Variants in PAK5 observed in about 807,000 individuals in gnomAD.
The protein encoded by PAK5 is serine/threonine-protein kinase PAK 5.
In PAK5, 16 loss-of-function variants were observed where a neutral mutation model predicts 65.9. That is an observed-to-expected ratio of 0.24 (90% CI 0.16 to 0.37). The LOEUF (loss-of-function observed/expected upper bound fraction) is 0.37, where lower values mean the gene tolerates loss of function less well. PAK5 is among the 10% of genes least tolerant of loss of function. The pLI, the probability that PAK5 is intolerant of heterozygous loss-of-function variation, is 1.00. For synonymous variants in PAK5, 371 were observed against 354.9 expected, an observed-to-expected ratio of 1.05 and a Z score of -0.51; for missense variants, 785 against 903.9, an observed-to-expected ratio of 0.87 and a Z score of 1.69.
chr20:9,833,874 G>A (rs950004166), intron 1 of PAK5, among the ~76,000 whole-genome samples: 3 of 152,002 alleles, frequency 2.0e-5, no homozygotes, highest in Non-Finnish European at 2.9e-5. Context: ...TATTATTCAC[G>A]AGTATTTTAT....
At chr20:9,642,326 T>C (rs1419886532) in intron 3 of PAK5, among the ~76,000 whole-genome samples, 2 of 152,224 alleles carry the variant, frequency 1.3e-5, no homozygotes, top group African/African-American at 2.4e-5. Context: ...TGTTGTTTCC[T>C]GACTTTTTAA....
intron 9 of PAK5, among the ~76,000 whole-genome samples, chr20:9,541,954 G>C (rs1051495814): frequency 6.6e-6 from 1 of 152,144 alleles, no homozygotes; most frequent in African/African-American, 2.4e-5. Context: ...ATGATTGTAA[G>C]TATCCTGAGG....
intron 2 of PAK5, among the ~76,000 whole-genome samples, chr20:9,697,815 A>G (rs888084005): frequency 2.0e-5 from 3 of 152,146 alleles, no homozygotes; most frequent in South Asian, 2.1e-4. Flanking sequence ...TTAGTTGACT[A>G]TTGTTAGGCT....
intron 4 of PAK5, among the ~76,000 whole-genome samples, chr20:9,568,545 C>T (rs985955686): frequency 6.6e-6 from 1 of 152,188 alleles, no homozygotes; most frequent in Non-Finnish European, 1.5e-5. Flanking sequence ...ATGTAGTCCC[C>T]TTCTACACTG....
chr20:9,605,442 G>C (rs2046435914), intron 3 of PAK5, among the ~76,000 whole-genome samples: 1 of 152,214 alleles, frequency 6.6e-6, no homozygotes, highest in Non-Finnish European at 1.5e-5. Flanking sequence ...TATCTGCTCT[G>C]TCACCTAACT....
chr20:9,580,133 A>C lies in PAK5; in HGVS notation c.990+12T>G. Reference sequence around the variant, plus strand: ...TTTGCACACGTGAGGGAAAGGAGGTAGCAAACGTTACCTTTGGAATGCACA... The same window carrying C: ...TTTGCACACGTGAGGGAAAGGAGGTCGCAAACGTTACCTTTGGAATGCACA... On this transcript the variant is annotated intron_variant, in intron 4 of 9. Coordinates refer to ENST00000353224, the MANE Select transcript of PAK5 (RefSeq NM_177990.4). The C allele has an allele frequency of 6.3e-7, 1 of 1,597,242 alleles. No homozygotes were observed. Among genetic ancestry groups the C allele is most frequent in the Non-Finnish European group, 8.5e-7 (1 of 1,169,804 alleles).
chr20:9,740,221 C>T (rs1345475933), intron 1 of PAK5, among the ~76,000 whole-genome samples: 1 of 152,100 alleles, frequency 6.6e-6, no homozygotes, highest in Non-Finnish European at 1.5e-5. Flanking sequence ...GAACAAGGTG[C>T]TCGCACAACC....
At chr20:9,673,431 G>C (rs1482016998) in intron 2 of PAK5, among the ~76,000 whole-genome samples, 4 of 152,168 alleles carry the variant, frequency 2.6e-5, no homozygotes, top group African/African-American at 7.2e-5. Context: ...TGGAGGTTTT[G>C]AGCACTGGAA....
rs191737060 is a variant in PAK5 at position 9,821,155 on chromosome 20, C to A, written c.-162+17607G>T. Among the ~76,000 whole-genome samples the A allele has an allele frequency of 1.7e-3, 256 of 152,138 alleles. 1 individual carries two copies. The highest frequency in any genetic ancestry group is 5.8e-3 in the African/African-American group (241 of 41,526). On this transcript the variant is annotated intron_variant, in intron 1 of 9. Coordinates refer to ENST00000353224, the MANE Select transcript of PAK5 (RefSeq NM_177990.4). ...CAGCATTTTGGGAGGCCGAGGCAGG[C>A]GGATCATCTGAGGTCAGGAGTTCGA...
At chr20:9,777,603 C>T (rs539177890) in intron 1 of PAK5, among the ~76,000 whole-genome samples, 6 of 152,188 alleles carry the variant, frequency 3.9e-5, no homozygotes, top group Non-Finnish European at 7.4e-5. Context: ...TAAGAAGAGA[C>T]TTATACAACT....
At chr20:9,718,397 C>A (rs150813262) in intron 1 of PAK5, among the ~76,000 whole-genome samples, 1 of 152,100 alleles carries the variant, frequency 6.6e-6, no homozygotes, top group Admixed American at 6.5e-5. Flanking sequence ...GTATTACTCA[C>A]CCTTTCATCC....
At chr20:9,625,145 T>G (rs1486914227) in intron 3 of PAK5, among the ~76,000 whole-genome samples, 3 of 152,044 alleles carry the variant, frequency 2.0e-5, no homozygotes, top group African/African-American at 7.2e-5. Context: ...TCCACCACCT[T>G]TAACCACCTC....
intron 1 of PAK5, among the ~76,000 whole-genome samples, chr20:9,761,457 C>T (rs188576580): frequency 4.6e-5 from 7 of 152,092 alleles, no homozygotes; most frequent in Admixed American, 4.6e-4. Context: ...TTCATTCTAC[C>T]CTGCACAATC....
chr20:9,544,627 G>A lies in PAK5; in HGVS notation c.1744-133C>T, dbSNP rs892904099. 7.4e-5 allele frequency: 57 copies of A among 766,326 alleles called. No individual in the cohort carries two copies. In the South Asian group the frequency reaches 9.8e-4, roughly 13 times the overall value. The allele number at this position is 766,326 out of a possible 1,614,324, so 47.5% of individuals were successfully genotyped here. ...ACAGGCCTTGGACATATCAGAGGAG[G>A]GACTGTCAGACCCTTTTATTGGAAA... On this transcript the variant is annotated intron_variant, in intron 7 of 9. Coordinates refer to ENST00000353224, the MANE Select transcript of PAK5 (RefSeq NM_177990.4).
intron 7 of PAK5, among the ~76,000 whole-genome samples, chr20:9,555,012 T>C (rs1053153759): frequency 6.6e-6 from 1 of 152,214 alleles, no homozygotes; most frequent in Non-Finnish European, 1.5e-5. Flanking sequence ...CATGCCTAAA[T>C]TAATCCTAGG....
At chr20:9,553,162 G>A (rs868288088) in intron 7 of PAK5, among the ~76,000 whole-genome samples, 27 of 152,120 alleles carry the variant, frequency 1.8e-4, no homozygotes, top group South Asian at 1.0e-3. Flanking sequence ...TTTATAGAAC[G>A]TATTCAAATT....
At position 9,591,972 on chromosome 20, in the gene PAK5, G is replaced by A. The variant is rs111881985; in HGVS notation, c.205-11042C>T. ...GTCAAATAACATTTTAAACTATAAA[G>A]TTGGTATTGTAACTATGCACTGTAA... On this transcript the variant is annotated intron_variant, in intron 3 of 9. Coordinates refer to ENST00000353224, the MANE Select transcript of PAK5 (RefSeq NM_177990.4). Among the ~76,000 whole-genome samples the A allele has an allele frequency of 3.1e-3, 468 of 152,260 alleles. 3 individuals carry two copies. Among genetic ancestry groups the A allele is most frequent in the African/African-American group, 0.01 (432 of 41,546 alleles).
At chr20:9,726,447 A>G (rs1460600285) in intron 1 of PAK5, among the ~76,000 whole-genome samples, 1 of 152,210 alleles carries the variant, frequency 6.6e-6, no homozygotes, top group African/African-American at 2.4e-5. Flanking sequence ...TGGCTTGCAC[A>G]CAGCGATTTA....
chr20:9,726,654 A>G (rs1184170402), intron 1 of PAK5, among the ~76,000 whole-genome samples: 1 of 152,154 alleles, frequency 6.6e-6, no homozygotes, highest in African/African-American at 2.4e-5. Flanking sequence ...TTTTTCACCA[A>G]GTATTTAAAA....
Sources: allele counts gnomAD v4.1 joint callset (sites outside exome capture counted in the v4.1 genomes callset), GRCh38; gene constraint gnomAD v4.1.1; transcripts MANE v1.5; gene names NCBI Gene and HGNC (gene_info 2026-07-23, HGNC 2026-07-21).